The following NOX4 variants were observed in gnomAD, a reference collection of about 807,000 sequenced individuals.
NOX4 encodes NADPH oxidase 4.
NOX4 carries 69 observed loss-of-function variants against 87.6 expected under a neutral mutation model. The ratio of observed to expected loss-of-function variants is 0.79; its 90% CI spans 0.65 to 0.96. The LOEUF (loss-of-function observed/expected upper bound fraction) is 0.96, where lower values mean the gene tolerates loss of function less well. Among genes scored for constraint, NOX4 ranks in the 40% least tolerant of loss-of-function variants. The pLI is 0.00. For missense variants in NOX4, 680 were observed against 681.5 expected, an observed-to-expected ratio of 1.00 and a Z score of 0.02; for synonymous variants, 275 against 238.2, an observed-to-expected ratio of 1.15 and a Z score of -1.42.
chr11:89,494,075 T>C (rs974519764), upstream of NOX4, among the ~76,000 whole-genome samples: 1 of 152,142 alleles, frequency 6.6e-6, no homozygotes, highest in African/African-American at 2.4e-5. Flanking sequence ...TTTAATGACA[T>C]AGTTGCTGTA....
intron 2 of NOX4, among the ~76,000 whole-genome samples, chr11:89,466,868 A>G (rs1945717644): frequency 6.6e-6 from 1 of 152,192 alleles, no homozygotes; most frequent in African/African-American, 2.4e-5. Flanking sequence ...TCAGCTAGAA[A>G]TAAGAGGGAC....
At chr11:89,553,158 A>C in the NOX4 span, among the ~76,000 whole-genome samples, 415 of 152,212 alleles carry the variant, frequency 2.7e-3, 3 homozygotes, top group African/African-American at 9.5e-3. Context: ...CAGGGCTGAT[A>C]TGGTTTGGCT....
chr11:89,518,403 TA>T, the NOX4 span, among the ~76,000 whole-genome samples: 54 of 150,694 alleles, frequency 3.6e-4, no homozygotes, highest in African/African-American at 1.0e-3. Context: ...TACTTGCTTA[TA>T]AAAAAAAACA....
At chr11:89,511,511 T>TG in the NOX4 span, among the ~76,000 whole-genome samples, 1 of 151,926 alleles carries the variant, frequency 6.6e-6, no homozygotes, top group Non-Finnish European at 1.5e-5. Flanking sequence ...GTTTTACTGG[T>TG]GGGGTATTAC....
chr11:89,524,963 T>C, the NOX4 span, among the ~76,000 whole-genome samples: 1 of 152,162 alleles, frequency 6.6e-6, no homozygotes, highest in South Asian at 2.1e-4. Flanking sequence ...TTTATGTGTA[T>C]AGCTTCTTTC....
intron 15 of NOX4, among the ~76,000 whole-genome samples, 157 bp from the exon 16 acceptor site, chr11:89,337,672 G>C (rs1374988532): frequency 6.6e-6 from 1 of 151,964 alleles, no homozygotes; most frequent in Non-Finnish European, 1.5e-5. Flanking sequence ...TACATACACA[G>C]AAATATATAT....
At chr11:89,562,938 T>C in the NOX4 span, among the ~76,000 whole-genome samples, 2 of 152,280 alleles carry the variant, frequency 1.3e-5, no homozygotes, top group South Asian at 4.1e-4. Context: ...GTTCTCCTGA[T>C]AGTGAGTGAG....
At chr11:89,548,479 A>C in the NOX4 span, 1 of 152,212 alleles carries the variant, frequency 6.6e-6, no homozygotes, top group Non-Finnish European at 1.5e-5. Context: ...GTAGTAATCT[A>C]GACTGACTGA....
chr11:89,559,847 G>C, the NOX4 span, among the ~76,000 whole-genome samples: 2 of 152,076 alleles, frequency 1.3e-5, no homozygotes, highest in Non-Finnish European at 2.9e-5. Context: ...AGACAGAGGA[G>C]ACAATACATG....
At chr11:89,345,265 A>G (rs927314097) in intron 13 of NOX4, among the ~76,000 whole-genome samples, 1 of 152,186 alleles carries the variant, frequency 6.6e-6, no homozygotes, top group Non-Finnish European at 1.5e-5. Context: ...CTGATAGAGC[A>G]GGTAAGGAGG....
intron 2 of NOX4, among the ~76,000 whole-genome samples, chr11:89,489,739 AAG>A (rs1555051654): frequency 2.0e-5 from 3 of 147,028 alleles, no homozygotes; most frequent in Admixed American, 6.8e-5. Flanking sequence ...AAAAAAAAAA[AAG>A]AAAGAAAGAA....
At chr11:89,463,234 C>G (rs1945548613) in intron 2 of NOX4, among the ~76,000 whole-genome samples, 1 of 151,880 alleles carries the variant, frequency 6.6e-6, no homozygotes, top group East Asian at 1.9e-4. Flanking sequence ...TGGATTACCA[C>G]TGAATTCTAC....
the NOX4 span, among the ~76,000 whole-genome samples, chr11:89,508,725 T>C: frequency 6.6e-6 from 1 of 152,230 alleles, no homozygotes; most frequent in South Asian, 2.1e-4. Context: ...AGGCCAGGCC[T>C]GTTCTCAATG....
chr11:89,560,996 C>CTATA, the NOX4 span, among the ~76,000 whole-genome samples: 201 of 40,778 alleles, frequency 4.9e-3, 3 homozygotes, highest in Middle Eastern at 0.018. Context: ...CTCTCTCTCT[C>CTATA]TATATATATA....
the NOX4 span, among the ~76,000 whole-genome samples, chr11:89,566,373 G>A: frequency 6.6e-6 from 1 of 151,928 alleles, no homozygotes; most frequent in Admixed American, 6.6e-5. Flanking sequence ...TAATATACTT[G>A]TTTGCTTTTA....
At chr11:89,439,363 C>T (rs537250656) in intron 6 of NOX4, among the ~76,000 whole-genome samples, 31 of 152,032 alleles carry the variant, frequency 2.0e-4, no homozygotes, top group African/African-American at 7.2e-4. Flanking sequence ...GAAAGCAAAA[C>T]TAAATTGTGT....
intron 2 of NOX4, among the ~76,000 whole-genome samples, chr11:89,474,199 C>G (rs10765209): frequency 0.11 from 17,137 of 152,064 alleles, 1,195 homozygotes; most frequent in South Asian, 0.21. Context: ...TTGTAGTCCT[C>G]TTTTCTCCAA....
upstream of NOX4, among the ~76,000 whole-genome samples, chr11:89,491,765 C>CAA (rs1555052769): frequency 2.4e-5 from 3 of 125,572 alleles, no homozygotes; most frequent in Admixed American, 1.6e-4. Context: ...CACACACACA[C>CAA]AAGAAGACAC....
At chr11:89,470,983 CTT>C (rs954053213) in intron 2 of NOX4, among the ~76,000 whole-genome samples, 3 of 152,106 alleles carry the variant, frequency 2.0e-5, no homozygotes, top group African/African-American at 7.2e-5. Flanking sequence ...CAGATGGACT[CTT>C]TATTAATCTT....
Sources: allele counts gnomAD v4.1 joint callset (sites outside exome capture counted in the v4.1 genomes callset), GRCh38; gene constraint gnomAD v4.1.1; transcripts MANE v1.5; gene names NCBI Gene and HGNC (gene_info 2026-07-23, HGNC 2026-07-21).